PTPRD: variants seen among roughly 807,000 people sequenced by gnomAD.
PTPRD encodes receptor-type tyrosine-protein phosphatase delta.
Under a neutral mutation model 214.5 loss-of-function variants are expected in PTPRD, and 34 were observed. That is an observed-to-expected ratio of 0.16 (90% CI 0.12 to 0.21). The LOEUF (loss-of-function observed/expected upper bound fraction) is 0.21, where lower values mean the gene tolerates loss of function less well. PTPRD is among the 10% of genes least tolerant of loss of function. The pLI is 1.00. For synonymous variants in PTPRD, 1,128 were observed against 845.7 expected (o/e 1.33, Z -5.79); for missense variants, 2,545 against 2,398.7 (o/e 1.06, Z -1.27).
intron 3 of PTPRD, among the ~76,000 whole-genome samples, chr9:10,120,524 A>G (rs2098766037): frequency 1.3e-5 from 2 of 152,042 alleles, no homozygotes; most frequent in African/African-American, 2.4e-5. Flanking sequence ...TAAATTGTCA[A>G]TCATAATATC....
intron 11 of PTPRD, among the ~76,000 whole-genome samples, chr9:8,900,626 G>A (rs764711270): frequency 6.6e-6 from 1 of 152,168 alleles, no homozygotes; most frequent in Non-Finnish European, 1.5e-5. Flanking sequence ...TAAGTAGGTT[G>A]GGGATGGTCA....
chr9:10,033,494 A>G (rs903616371), intron 4 of PTPRD, among the ~76,000 whole-genome samples: 2 of 151,922 alleles, frequency 1.3e-5, no homozygotes, highest in African/African-American at 2.4e-5. Context: ...CCAGCACATA[A>G]TTTTTGTTTT....
At chr9:8,337,879 T>C (rs1588040671) in intron 43 of PTPRD, among the ~76,000 whole-genome samples, 1 of 152,140 alleles carries the variant, frequency 6.6e-6, no homozygotes, top group African/African-American at 2.4e-5. Context: ...CACTATTTTT[T>C]TTTTTTTTAA....
intron 5 of PTPRD, among the ~76,000 whole-genome samples, chr9:9,783,198 A>G (rs1457326955): frequency 6.6e-6 from 1 of 152,176 alleles, no homozygotes; most frequent in Non-Finnish European, 1.5e-5. Context: ...GATTCTGTGC[A>G]TATTTGCTAT....
chr9:8,781,624 T>G (rs1051108564), intron 11 of PTPRD, among the ~76,000 whole-genome samples: 1 of 150,706 alleles, frequency 6.6e-6, no homozygotes, highest in Middle Eastern at 3.4e-3. Context: ...TGGAGCACTA[T>G]GCTAATATTT....
intron 11 of PTPRD, among the ~76,000 whole-genome samples, chr9:8,916,801 C>A (rs1347228761): frequency 6.6e-6 from 1 of 152,084 alleles, no homozygotes; most frequent in East Asian, 1.9e-4. Context: ...AAATTGGAAA[C>A]AACGAGCTAT....
At chr9:10,550,858 C>A (rs921283227) in intron 2 of PTPRD, among the ~76,000 whole-genome samples, 2 of 152,214 alleles carry the variant, frequency 1.3e-5, no homozygotes, top group African/African-American at 4.8e-5. Context: ...ACCTCTCTTT[C>A]TAAATGTTAT....
intron 12 of PTPRD, among the ~76,000 whole-genome samples, chr9:8,674,010 A>G (rs2097346315): frequency 6.6e-6 from 1 of 152,112 alleles, no homozygotes; most frequent in South Asian, 2.1e-4. Context: ...CCAGGTGGAG[A>G]CCCACTGCAA....
At chr9:9,276,590 C>T (rs571610895) in intron 9 of PTPRD, among the ~76,000 whole-genome samples, 39 of 151,272 alleles carry the variant, frequency 2.6e-4, no homozygotes, top group Non-Finnish European at 5.2e-4. Context: ...CTGTGACCTC[C>T]ATGAGAGCAC....
At chr9:9,676,827 G>A (rs2154394717) in intron 7 of PTPRD, among the ~76,000 whole-genome samples, 1 of 152,274 alleles carries the variant, frequency 6.6e-6, no homozygotes, top group East Asian at 1.9e-4. Flanking sequence ...TTTAACTGGT[G>A]TGAGATGGTA....
At chr9:9,107,573 C>T (rs1340450600) in intron 10 of PTPRD, among the ~76,000 whole-genome samples, 2 of 152,106 alleles carry the variant, frequency 1.3e-5, no homozygotes, top group Admixed American at 1.3e-4. Flanking sequence ...CACACATGCA[C>T]ATACACACAC....
At chr9:9,493,695 G>A (rs1226948894) in intron 8 of PTPRD, among the ~76,000 whole-genome samples, 1 of 150,276 alleles carries the variant, frequency 6.7e-6, no homozygotes, top group Non-Finnish European at 1.5e-5. Flanking sequence ...GGCTGAGGCA[G>A]GAGAATGGCG....
chr9:9,342,397 T>C (rs2047147252), intron 9 of PTPRD, among the ~76,000 whole-genome samples: 1 of 152,060 alleles, frequency 6.6e-6, no homozygotes. Context: ...TGATACAGGG[T>C]TAAAAGGAAA....
At chr9:9,772,697 T>C (rs1043637112) in intron 5 of PTPRD, among the ~76,000 whole-genome samples, 28 of 141,414 alleles carry the variant, frequency 2.0e-4, no homozygotes, top group Admixed American at 7.8e-5. Flanking sequence ...GTAAATATTA[T>C]CTTTTTTCAT....
intron 14 of PTPRD, among the ~76,000 whole-genome samples, chr9:8,548,656 T>C (rs867366503): frequency 2.8e-5 from 4 of 143,038 alleles, no homozygotes; most frequent in Admixed American, 7.1e-5. Flanking sequence ...GTGTAAGCCA[T>C]TGCACCCAGC....
At chr9:10,489,863 G>A (rs1299307495) in intron 2 of PTPRD, among the ~76,000 whole-genome samples, 2 of 152,186 alleles carry the variant, frequency 1.3e-5, no homozygotes, top group African/African-American at 2.4e-5. Context: ...TAAAGCTGCA[G>A]CTGCTGGGGA....
At chr9:10,306,342 G>T (rs2096068832) in intron 3 of PTPRD, among the ~76,000 whole-genome samples, 1 of 151,892 alleles carries the variant, frequency 6.6e-6, no homozygotes, top group Admixed American at 6.6e-5. Flanking sequence ...GTTGATTGGT[G>T]TTGCAAACCA....
chr9:10,050,848 C>T (rs1053559328), intron 3 of PTPRD, among the ~76,000 whole-genome samples: 2 of 151,804 alleles, frequency 1.3e-5, no homozygotes, highest in Non-Finnish European at 2.9e-5. Flanking sequence ...TACTGGACTC[C>T]AAAAATTAAT....
intron 11 of PTPRD, among the ~76,000 whole-genome samples, chr9:8,811,170 A>C (rs72702371): frequency 1.3e-5 from 2 of 152,020 alleles, no homozygotes; most frequent in South Asian, 4.2e-4. Flanking sequence ...TCAAACAATT[A>C]ATTAATGGGC....
Sources: allele counts gnomAD v4.1 joint callset (sites outside exome capture counted in the v4.1 genomes callset), GRCh38; gene constraint gnomAD v4.1.1; transcripts MANE v1.5; gene names NCBI Gene and HGNC (gene_info 2026-07-23, HGNC 2026-07-21).